KIF26B: variants seen among roughly 807,000 people sequenced by gnomAD.
KIF26B encodes the protein kinesin family member 26B.
In KIF26B, 63 loss-of-function variants were observed where a neutral mutation model predicts 151.2. The ratio of observed to expected loss-of-function variants is 0.42; its 90% CI spans 0.34 to 0.51. KIF26B has a LOEUF of 0.51. Ranked by LOEUF, KIF26B falls within the 20% of genes least tolerant of loss-of-function variation. The pLI is 0.07. For synonymous variants in KIF26B, 1,357 were observed against 1,262.1 expected (o/e 1.08, Z -1.59); for missense variants, 2,813 against 2,913.6 (o/e 0.97, Z 0.79).
At chr1:245,567,728 C>T (rs945347754) in intron 5 of KIF26B, among the ~76,000 whole-genome samples, 4 of 152,172 alleles carry the variant, frequency 2.6e-5, no homozygotes, top group Non-Finnish European at 5.9e-5. Context: ...TGCAAAATTT[C>T]AGAGTGTTGT....
chr1:245,602,801 C>G lies in KIF26B; in HGVS notation c.1557+18C>G. The G allele has an allele frequency of 6.8e-6, 11 of 1,609,926 alleles. No individual in the cohort carries two copies. Among genetic ancestry groups the G allele is most frequent in the Non-Finnish European group, 9.3e-6 (11 of 1,177,418 alleles). On this transcript the variant is annotated intron_variant, in intron 6 of 14. Coordinates refer to ENST00000407071, the MANE Select transcript of KIF26B (RefSeq NM_018012.4). This position sits in a 1 kb window ranked among gnomAD's most constrained non-coding sequence, Gnocchi z 4.5. ...CTTCTCAGGTGGGTATCAGCCCCCTCTCAGGCTCAGGCAACGTTGATGAAA... is the reference window on the plus strand; with the variant it reads ...CTTCTCAGGTGGGTATCAGCCCCCTGTCAGGCTCAGGCAACGTTGATGAAA...
chr1:245,350,918 A>G (rs569069487), intron 2 of KIF26B, among the ~76,000 whole-genome samples: 1 of 152,302 alleles, frequency 6.6e-6, no homozygotes, highest in South Asian at 2.1e-4. Context: ...TGGAAGTTCA[A>G]ATGATGTGGG....
At chr1:245,633,889 T>A (rs2043807149) in intron 9 of KIF26B, among the ~76,000 whole-genome samples, 1 of 152,208 alleles carries the variant, frequency 6.6e-6, no homozygotes, top group Admixed American at 6.5e-5. Context: ...CATAGCTCAC[T>A]GCAGCCTCAA....
At chr1:245,521,341 A>T (rs1450061691) in intron 4 of KIF26B, among the ~76,000 whole-genome samples, 1 of 83,600 alleles carries the variant, frequency 1.2e-5, no homozygotes, top group Non-Finnish European at 2.9e-5. Flanking sequence ...ACTCCGTCTT[A>T]AAAAAAAAAA....
chr1:245,346,988 CT>C (rs1672469137), intron 2 of KIF26B, among the ~76,000 whole-genome samples: 1 of 152,180 alleles, frequency 6.6e-6, no homozygotes, highest in African/African-American at 2.4e-5. Context: ...ACCCATCTCT[CT>C]CTTCATCCCA....
Position 245,609,409 on chromosome 1 carries a change from G to C in KIF26B, c.1795G>C (p.Glu599Gln), listed in dbSNP as rs1316239644. The change falls in exon 8 of 15, where the codon GAA becomes CAA. Residue 599 changes from glutamate to glutamine, a missense_variant. Glu to Gln is a conservative substitution (Grantham distance 29, BLOSUM62 2). Coordinates refer to ENST00000407071, the MANE Select transcript of KIF26B (RefSeq NM_018012.4). ...ARFSVRVSAV[E>Q]VWGKEENLRD... ...TTTCTCAGTCCGGGTTTCCGCCGTG[G>C]AAGTGTGGGGGAAGGAGGAGAACCT... The C allele has an allele frequency of 6.2e-7, 1 of 1,609,392 alleles. No individual in the cohort carries two copies. The highest frequency in any genetic ancestry group is 1.3e-5 in the African/African-American group (1 of 74,994).
intron 4 of KIF26B, among the ~76,000 whole-genome samples, chr1:245,513,837 T>C (rs761204514): frequency 1.1e-4 from 16 of 152,240 alleles, no homozygotes; most frequent in Non-Finnish European, 1.8e-4. Context: ...TCTGAGCTAA[T>C]TGGCCTTAGT....
At chr1:245,242,931 T>G (rs1270889377) in intron 2 of KIF26B, among the ~76,000 whole-genome samples, 1 of 152,190 alleles carries the variant, frequency 6.6e-6, no homozygotes, top group Non-Finnish European at 1.5e-5. Context: ...ATTACAGGCA[T>G]GAGCCACCGC....
intron 4 of KIF26B, among the ~76,000 whole-genome samples, chr1:245,432,128 T>G (rs1283154797): frequency 6.6e-6 from 1 of 151,952 alleles, no homozygotes; most frequent in Admixed American, 6.6e-5. Context: ...CACCCCTCCC[T>G]CTCGCGTGGT....
chr1:245,334,603 C>T (rs1210078993), intron 2 of KIF26B, among the ~76,000 whole-genome samples: 4 of 152,200 alleles, frequency 2.6e-5, no homozygotes, highest in Non-Finnish European at 5.9e-5. Context: ...CAGACCCCGG[C>T]TCCCTGGAGG....
At chr1:245,266,151 G>T (rs1489466471) in intron 2 of KIF26B, among the ~76,000 whole-genome samples, 2 of 152,174 alleles carry the variant, frequency 1.3e-5, no homozygotes, top group Non-Finnish European at 2.9e-5. Context: ...GACTTGAACA[G>T]GGATTTTAGA....
At chr1:245,171,307 G>A (rs777324321) in intron 2 of KIF26B, among the ~76,000 whole-genome samples, 1 of 152,204 alleles carries the variant, frequency 6.6e-6, no homozygotes, top group Non-Finnish European at 1.5e-5. Flanking sequence ...ACTTTGGGAG[G>A]CCAAGGCGGG....
At chr1:245,460,891 C>G (rs1199169763) in intron 4 of KIF26B, among the ~76,000 whole-genome samples, 1 of 152,190 alleles carries the variant, frequency 6.6e-6, no homozygotes, top group Non-Finnish European at 1.5e-5. Flanking sequence ...ATGCTCAGAA[C>G]AGGAGGTGCA....
At chr1:245,445,697 G>A (rs577150581) in intron 4 of KIF26B, among the ~76,000 whole-genome samples, 4 of 152,144 alleles carry the variant, frequency 2.6e-5, no homozygotes, top group East Asian at 3.9e-4. Flanking sequence ...GCCCAGCTAC[G>A]CTGGTCACCG....
intron 10 of KIF26B, among the ~76,000 whole-genome samples, chr1:245,654,943 C>T (rs1170302606): frequency 6.6e-6 from 1 of 152,256 alleles, no homozygotes; most frequent in Admixed American, 6.5e-5. Context: ...TTTCCTCAAA[C>T]ATCTGGCTAA....
At chr1:245,383,008 T>TACACAC (rs1019164410) in intron 3 of KIF26B, among the ~76,000 whole-genome samples, 1 of 143,970 alleles carries the variant, frequency 6.9e-6, no homozygotes, top group Non-Finnish European at 1.5e-5. Flanking sequence ...TTTATATATA[T>TACACAC]ACACACACAC....
At chr1:245,224,199 C>T (rs746480349) in intron 2 of KIF26B, among the ~76,000 whole-genome samples, 2 of 151,840 alleles carry the variant, frequency 1.3e-5, no homozygotes, top group Admixed American at 6.6e-5. Flanking sequence ...GCAGGAGAAT[C>T]GCTTGAACCT....
At chr1:245,262,295 A>G (rs991192157) in intron 2 of KIF26B, among the ~76,000 whole-genome samples, 2 of 152,028 alleles carry the variant, frequency 1.3e-5, no homozygotes, top group African/African-American at 4.8e-5. Context: ...ATACAATTTT[A>G]TTTCCTTGGT....
At chr1:245,284,152 T>C (rs1671123672) in intron 2 of KIF26B, among the ~76,000 whole-genome samples, 1 of 152,216 alleles carries the variant, frequency 6.6e-6, no homozygotes, top group African/African-American at 2.4e-5. Context: ...ATTTAAATAA[T>C]GTATTGCTTA....
Sources: gnomAD v4.1 joint callset for allele counts (sites outside exome capture counted in the v4.1 genomes callset) on GRCh38, gnomAD v4.1.1 for gene constraint, Gnocchi (gnomAD v3.1) non-coding constraint, MANE v1.5 for transcripts, NCBI Gene and HGNC (gene_info 2026-07-23, HGNC 2026-07-21) for gene names.